The following COL26A1 variants were observed in gnomAD, a reference collection of about 807,000 sequenced individuals.
COL26A1 encodes the protein collagen alpha-1(XXVI) chain.
A neutral mutation model predicts 59.3 loss-of-function variants in COL26A1; 41 were observed. The observed-to-expected ratio is 0.69, with a 90% CI of 0.54 to 0.90. The LOEUF (loss-of-function observed/expected upper bound fraction) is 0.90. Ranked by LOEUF, COL26A1 falls within the 40% of genes least tolerant of loss-of-function variation. COL26A1 has a pLI of 0.00. For synonymous variants in COL26A1, 266 were observed against 256.0 expected, an observed-to-expected ratio of 1.04 and a Z score of -0.37; for missense variants, 612 against 602.3, an observed-to-expected ratio of 1.02 and a Z score of -0.17.
intron 1 of COL26A1, among the ~76,000 whole-genome samples, chr7:101,382,998 C>G (rs200375724): frequency 6.6e-6 from 1 of 152,180 alleles, no homozygotes; most frequent in South Asian, 2.1e-4. Context: ...GCTGAGATCA[C>G]ATCACTGCAC....
chr7:101,420,148 G>T, intron 2 of COL26A1, 49 bp downstream of exon 2: 2 of 1,602,554 alleles, frequency 1.2e-6, no homozygotes, highest in South Asian at 2.2e-5. Context: ...CCATTCCCTC[G>T]GACAAAACCA....
intron 3 of COL26A1, among the ~76,000 whole-genome samples, chr7:101,516,669 C>T (rs10953346): frequency 0.19 from 28,595 of 152,034 alleles, 3,142 homozygotes; most frequent in African/African-American, 0.3. Flanking sequence ...GCCCAGGAGA[C>T]GGCTTTGATC....
rs139736276 is a variant in COL26A1 at position 101,406,388 on chromosome 7, C to T, written c.159-13589C>T. Reference sequence around the variant, plus strand: ...ATGTGAACAAAACCACCACTCCCTGCGGTGTTGAGGCGGATGAGTGATGGA... The same window carrying T: ...ATGTGAACAAAACCACCACTCCCTGTGGTGTTGAGGCGGATGAGTGATGGA... On this transcript the variant is annotated intron_variant, in intron 1 of 12. Transcript: ENST00000313669. 1.9e-3 allele frequency among the ~76,000 whole-genome samples: 287 copies of T among 152,278 alleles called. 1 individual carries two copies. Among genetic ancestry groups the T allele is most frequent in the Non-Finnish European group, 3.4e-3 (231 of 68,016 alleles).
intron 1 of COL26A1, among the ~76,000 whole-genome samples, chr7:101,379,835 C>T (rs1490181770): frequency 6.6e-6 from 1 of 152,200 alleles, no homozygotes; most frequent in Admixed American, 6.5e-5. Flanking sequence ...TTGGCAATGT[C>T]AGGAAGTTAC....
intron 3 of COL26A1, among the ~76,000 whole-genome samples, chr7:101,485,101 C>T (rs1794240317): frequency 6.6e-6 from 1 of 152,208 alleles, no homozygotes; most frequent in African/African-American, 2.4e-5. Context: ...ATCCACCTGC[C>T]TCAGCTTCCC....
chr7:101,475,712 C>A (rs974842056), intron 3 of COL26A1, among the ~76,000 whole-genome samples: 3 of 151,852 alleles, frequency 2.0e-5, no homozygotes, highest in Admixed American at 2.0e-4. Flanking sequence ...GGCGATGATG[C>A]ATGATTCTGT....
At chr7:101,505,257 A>G in intron 3 of COL26A1, among the ~76,000 whole-genome samples, 1 of 151,818 alleles carries the variant, frequency 6.6e-6, no homozygotes, top group East Asian at 1.9e-4. Context: ...GTGTGTGTGC[A>G]TGACTGTGAG....
intron 3 of COL26A1, among the ~76,000 whole-genome samples, chr7:101,464,444 C>T (rs1023126285): frequency 1.3e-5 from 2 of 150,058 alleles, no homozygotes; most frequent in Non-Finnish European, 3.0e-5. Context: ...TGGAGTTTTG[C>T]TCTTGTTGCC....
At chr7:101,551,084 C>G in intron 9 of COL26A1, 24 bp from the exon 10 acceptor site, 1 of 1,552,864 alleles carries the variant, frequency 6.4e-7, no homozygotes, top group Non-Finnish European at 8.7e-7. Flanking sequence ...GCAGGCCTCA[C>G]ACGCTTCCTT....
intron 3 of COL26A1, among the ~76,000 whole-genome samples, chr7:101,510,197 AT>A (rs957273000): frequency 2.0e-5 from 3 of 150,676 alleles, no homozygotes; most frequent in African/African-American, 7.4e-5. Flanking sequence ...AATTTTTGAA[AT>A]TTTTTTGTAG....
chr7:101,447,937 T>C (rs1047546647), intron 3 of COL26A1, 150 bp downstream of exon 3: 17 of 636,444 alleles, frequency 2.7e-5, no homozygotes, highest in Middle Eastern at 4.3e-4. Flanking sequence ...GCAAATGTTC[T>C]GTATCGGCCT....
In COL26A1 at chr7:101,414,899, G is replaced by A. The variant is rs1437506399; in HGVS notation, c.159-5078G>A. Among the ~76,000 whole-genome samples the A allele has an allele frequency of 4.6e-5, 7 of 152,312 alleles. No homozygotes were observed. In the East Asian group the frequency reaches 1.2e-3, roughly 25 times the overall value. On this transcript the variant is annotated intron_variant, in intron 1 of 12. Coordinates refer to ENST00000313669, the MANE Select transcript of COL26A1 (RefSeq NM_001278563.3). ...GTTTGTACTGGGTAGGTGGGATCCC[G>A]CCAGTCCTCGGGTCAGGAAGACTAG...
At chr7:101,496,776 C>T (rs912176657) in intron 3 of COL26A1, among the ~76,000 whole-genome samples, 3 of 151,840 alleles carry the variant, frequency 2.0e-5, no homozygotes, top group African/African-American at 7.3e-5. Flanking sequence ...ATCCCAGCTA[C>T]TCAGGAGGCT....
At chr7:101,553,741 G>A (rs994550098) in intron 11 of COL26A1, among the ~76,000 whole-genome samples, 1 of 152,186 alleles carries the variant, frequency 6.6e-6, no homozygotes, top group African/African-American at 2.4e-5. Context: ...TCCCGTGAAT[G>A]GCGTCTCGGC....
chr7:101,448,574 C>T (rs6959838), intron 3 of COL26A1, among the ~76,000 whole-genome samples: 3,106 of 152,066 alleles, frequency 0.02, 111 homozygotes, highest in African/African-American at 0.069. Flanking sequence ...CTCACTGCAG[C>T]CTCGAACTCC....
At chr7:101,479,815 G>A (rs1794119032) in intron 3 of COL26A1, among the ~76,000 whole-genome samples, 1 of 151,944 alleles carries the variant, frequency 6.6e-6, no homozygotes, top group Admixed American at 6.6e-5. Context: ...CATATTTTGG[G>A]AGTACATGTG....
intron 11 of COL26A1, among the ~76,000 whole-genome samples, chr7:101,554,567 TAAAAAAAA>T (rs57638079): frequency 3.1e-4 from 37 of 120,498 alleles, no homozygotes; most frequent in African/African-American, 5.0e-4. Flanking sequence ...CCCCATTTCT[TAAAAAAAA>T]AAAAAAAAAA....
intron 2 of COL26A1, among the ~76,000 whole-genome samples, chr7:101,446,684 C>T (rs1720042324): frequency 6.6e-6 from 1 of 151,802 alleles, no homozygotes; most frequent in Non-Finnish European, 1.5e-5. Context: ...CTGTCTCTAC[C>T]AAAAATACAA....
At chr7:101,427,477 T>C (rs13245971) in intron 2 of COL26A1, among the ~76,000 whole-genome samples, 110,057 of 151,342 alleles carry the variant, frequency 0.73, 40,976 homozygotes, top group African/African-American at 0.9. Context: ...GCCTGGCCAA[T>C]GTGGTAAAAC....
Sources: allele counts gnomAD v4.1 joint callset (sites outside exome capture counted in the v4.1 genomes callset), GRCh38; gene constraint gnomAD v4.1.1; transcripts MANE v1.5; gene names NCBI Gene and HGNC (gene_info 2026-07-23, HGNC 2026-07-21).